SUPT3H: variants seen among roughly 807,000 people sequenced by gnomAD.
SUPT3H encodes SPT3 homolog, SAGA and STAGA complex component.
Under a neutral mutation model 44.3 loss-of-function variants are expected in SUPT3H, and 44 were observed. That is an observed-to-expected ratio of 0.99 (90% CI 0.78 to 1.28). The LOEUF (loss-of-function observed/expected upper bound fraction) is 1.28, where lower values mean the gene tolerates loss of function less well. SUPT3H is among the 50% of genes most tolerant of loss of function. SUPT3H has a pLI of 0.00. For synonymous variants in SUPT3H, 124 were observed against 125.6 expected (o/e 0.99, Z 0.09); for missense variants, 380 against 387.1 (o/e 0.98, Z 0.15).
chr6:44,847,763 C>T (rs1252995935), intron 10 of SUPT3H, among the ~76,000 whole-genome samples: 4 of 152,082 alleles, frequency 2.6e-5, no homozygotes, highest in African/African-American at 7.2e-5. Flanking sequence ...GCTGGGATTA[C>T]AGGCGTGAGC....
chr6:45,098,199 C>A, intron 3 of SUPT3H: 2 of 159,766 alleles, frequency 1.3e-5, no homozygotes, highest in South Asian at 3.5e-4. Flanking sequence ...GCCCTGGGGT[C>A]CACATGCATT....
At chr6:45,286,494 CTCA>C (rs1465691396) in intron 2 of SUPT3H, among the ~76,000 whole-genome samples, 1 of 152,160 alleles carries the variant, frequency 6.6e-6, no homozygotes, top group Non-Finnish European at 1.5e-5. Flanking sequence ...TGAAAAAATG[CTCA>C]TCATCACTGG....
intron 10 of SUPT3H, among the ~76,000 whole-genome samples, chr6:44,870,218 G>A (rs1219929106): frequency 6.6e-6 from 1 of 152,122 alleles, no homozygotes; most frequent in African/African-American, 2.4e-5. Flanking sequence ...TCACAAAACA[G>A]CTCTTTCAAT....
At chr6:45,259,219 T>C (rs1245551871) in intron 2 of SUPT3H, among the ~76,000 whole-genome samples, 1 of 152,112 alleles carries the variant, frequency 6.6e-6, no homozygotes, top group Non-Finnish European at 1.5e-5. Context: ...ACTTTCAAAG[T>C]ACCTATGTTG....
In SUPT3H at chr6:44,959,668, T is replaced by C. The variant is rs73735274; in HGVS notation, c.580+2085A>G. On this transcript the variant is annotated intron_variant, in intron 7 of 10. Coordinates refer to ENST00000371459, the MANE Select transcript of SUPT3H (RefSeq NM_003599.4). Reference sequence around the variant, plus strand: ...AAGAGAAATAACTCTCTGACTTATATACATATGAAAACAAAAGACTGAATT... The same window carrying C: ...AAGAGAAATAACTCTCTGACTTATACACATATGAAAACAAAAGACTGAATT... Among the ~76,000 whole-genome samples the C allele has an allele frequency of 3.9e-3, 599 of 152,266 alleles. 7 individuals carry two copies. Among genetic ancestry groups the C allele is most frequent in the African/African-American group, 0.014 (569 of 41,564 alleles).
intron 3 of SUPT3H, among the ~76,000 whole-genome samples, chr6:45,069,333 T>C (rs932045025): frequency 3.3e-5 from 5 of 152,110 alleles, no homozygotes; most frequent in Non-Finnish European, 7.4e-5. Context: ...CGTGTTTAGG[T>C]TGAACAGTAT....
intron 3 of SUPT3H, among the ~76,000 whole-genome samples, chr6:45,077,531 G>T (rs778090885): frequency 6.9e-6 from 1 of 145,982 alleles, no homozygotes; most frequent in Non-Finnish European, 1.5e-5. Flanking sequence ...GGAGGCTGTG[G>T]TGGGAGGATC....
At chr6:44,927,138 T>A (rs1230266462) in intron 10 of SUPT3H, among the ~76,000 whole-genome samples, 1 of 152,152 alleles carries the variant, frequency 6.6e-6, no homozygotes, top group Admixed American at 6.5e-5. Flanking sequence ...CAGTTAGATG[T>A]ATAATGTGTA....
chr6:44,874,925 C>G (rs951836511), intron 10 of SUPT3H, among the ~76,000 whole-genome samples: 1 of 140,256 alleles, frequency 7.1e-6, no homozygotes, highest in African/African-American at 2.7e-5. Flanking sequence ...AATAAAATAC[C>G]TAGGAATCCA....
chr6:45,351,274 G>A (rs999411959), intron 2 of SUPT3H, among the ~76,000 whole-genome samples: 1 of 151,934 alleles, frequency 6.6e-6, no homozygotes, highest in Non-Finnish European at 1.5e-5. Context: ...CTCCCACAGA[G>A]ACTGCCCTCC....
At chr6:45,337,777 AT>A (rs1204239473) in intron 2 of SUPT3H, among the ~76,000 whole-genome samples, 1 of 151,962 alleles carries the variant, frequency 6.6e-6, no homozygotes, top group Non-Finnish European at 1.5e-5. Context: ...TGTTATGTTT[AT>A]TTTTGTTTAT....
At chr6:44,931,126 A>G (rs949139242) in intron 10 of SUPT3H, among the ~76,000 whole-genome samples, 5 of 152,160 alleles carry the variant, frequency 3.3e-5, no homozygotes, top group African/African-American at 1.2e-4. Flanking sequence ...AATAATGCAG[A>G]CTTCATGATT....
intron 2 of SUPT3H, among the ~76,000 whole-genome samples, chr6:45,255,318 C>T (rs1773166335): frequency 6.6e-6 from 1 of 151,802 alleles, no homozygotes; most frequent in African/African-American, 2.4e-5. Flanking sequence ...TTAATTTTTA[C>T]CATATTTATC....
At chr6:45,161,974 G>A (rs956515648) in intron 2 of SUPT3H, among the ~76,000 whole-genome samples, 2 of 151,842 alleles carry the variant, frequency 1.3e-5, no homozygotes, top group East Asian at 1.9e-4. Flanking sequence ...TAAAGACAAT[G>A]ACAACCACAG....
intron 9 of SUPT3H, among the ~76,000 whole-genome samples, chr6:44,945,238 C>CT (rs1168414445): frequency 6.6e-6 from 1 of 152,276 alleles, no homozygotes; most frequent in East Asian, 1.9e-4. Context: ...GTTCCTCCAT[C>CT]TTTCTTCTCT....
intron 7 of SUPT3H, among the ~76,000 whole-genome samples, chr6:44,958,939 G>A (rs1353551615): frequency 1.4e-5 from 2 of 140,840 alleles, no homozygotes; most frequent in Non-Finnish European, 3.0e-5. Context: ...GCAATGGCGC[G>A]ATCTCGGCTC....
intron 2 of SUPT3H, among the ~76,000 whole-genome samples, chr6:45,123,360 T>G (rs771500016): frequency 1.1e-4 from 16 of 151,756 alleles, no homozygotes; most frequent in Non-Finnish European, 2.4e-4. Flanking sequence ...AATTTTAAAT[T>G]GTATCATTTA....
At chr6:45,318,720 A>C (rs1176237199) in intron 2 of SUPT3H, among the ~76,000 whole-genome samples, 1 of 152,152 alleles carries the variant, frequency 6.6e-6, no homozygotes, top group Non-Finnish European at 1.5e-5. Flanking sequence ...ATTATTTCAA[A>C]AATATGCCAT....
intron 2 of SUPT3H, among the ~76,000 whole-genome samples, chr6:45,350,435 A>G (rs1484387591): frequency 1.3e-5 from 2 of 152,226 alleles, no homozygotes; most frequent in African/African-American, 4.8e-5. Context: ...CACACCATTT[A>G]ATTTCTCCTT....
Sources: allele counts gnomAD v4.1 joint callset (sites outside exome capture counted in the v4.1 genomes callset), GRCh38; gene constraint gnomAD v4.1.1; transcripts MANE v1.5; gene names NCBI Gene and HGNC (gene_info 2026-07-23, HGNC 2026-07-21).